DNAH2: variants seen among roughly 807,000 people sequenced by gnomAD.
DNAH2 encodes dynein axonemal heavy chain 2.
In DNAH2, 323 loss-of-function variants were observed where a neutral mutation model predicts 523.5. The ratio of observed to expected loss-of-function variants is 0.62; its 90% confidence interval spans 0.56 to 0.68. DNAH2 has a LOEUF of 0.68. DNAH2 is among the 30% of genes least tolerant of loss of function. The probability of loss-of-function intolerance (pLI) is 0.00; values close to 1 mark genes in which losing one functional copy is unlikely to be tolerated. For missense variants in DNAH2, 4,907 were observed against 5,701.5 expected (o/e 0.86, Z 4.49); for synonymous variants, 2,093 against 2,177.4 (o/e 0.96, Z 1.08).
In DNAH2 at chr17:7,832,999, G is replaced by C. The variant is rs2078229626; in HGVS notation, c.12978+71G>C. Reference sequence around the variant, plus strand: ...GAAATAATTGGACGAAAAGGGAGGAGAGAGGGAGCAGGTCAGGGGCGCTGG... The same window carrying C: ...GAAATAATTGGACGAAAAGGGAGGACAGAGGGAGCAGGTCAGGGGCGCTGG... On this transcript the variant is annotated intron_variant, in intron 84 of 85. Transcript: ENST00000572933. This position sits in a 1 kb window ranked among gnomAD's most constrained non-coding sequence, Gnocchi z 4.3. 6.2e-7 allele frequency: 1 copy of C among 1,613,510 alleles called. No individual in the cohort carries two copies. The highest frequency in any genetic ancestry group is 8.5e-7 in the Non-Finnish European group (1 of 1,179,760).
chr17:7,730,909 G>GT (rs1464791548), intron 4 of DNAH2, among the ~76,000 whole-genome samples: 1 of 152,118 alleles, frequency 6.6e-6, no homozygotes, highest in Non-Finnish European at 1.5e-5. Flanking sequence ...GAGCTCAGGA[G>GT]TTTAAGACCA....
chr17:7,758,735 T>C lies in DNAH2; in HGVS notation c.2208+84T>C. ...AGTGTTGCATAGAGATTGGGAAACC[T>C]GGGGGTAGTGTAAAAAGAATTAAGT... On this transcript the variant is annotated intron_variant, in intron 14 of 85. Coordinates refer to ENST00000572933, the MANE Select transcript of DNAH2 (RefSeq NM_020877.5). 2.6e-6 allele frequency: 4 copies of C among 1,563,286 alleles called. No individual in the cohort carries two copies. The South Asian group carries it at 4.8e-5, about 19-fold the overall frequency.
intron 24 of DNAH2, among the ~76,000 whole-genome samples, chr17:7,768,734 C>T (rs1452903535): frequency 1.3e-5 from 2 of 152,202 alleles, no homozygotes; most frequent in South Asian, 2.1e-4. Context: ...CAGCACTCGA[C>T]TCTGCTTCTG....
chr17:7,792,339 C>T lies in DNAH2; in HGVS notation c.7141C>T (p.Pro2381Ser), dbSNP rs761238910. Residue 2381 changes from proline to serine, a missense_variant, in exon 46 of 86, where the codon CCA (proline) becomes TCA (serine). By Grantham distance (74) the Pro-to-Ser change is moderately conservative (BLOSUM62 -1). Transcript: ENST00000572933. ...DKLPKSWRYPPNAPFYKIMVP... is the reference protein window; with the variant it reads ...DKLPKSWRYPSNAPFYKIMVP... ...GCTCCCTAAGAGTTGGCGCTACCCT[C>T]CAAAGTAAGAGCTGGGCCTGGGTGT... 55 of 1,613,940 alleles carry T rather than the reference C, an allele frequency of 3.4e-5. No individual in the cohort carries two copies. The highest frequency in any genetic ancestry group is 4.1e-5 in the Non-Finnish European group (48 of 1,180,032).
In DNAH2 at chr17:7,778,418, T is replaced by C. The variant is rs2076517075; in HGVS notation, c.5490T>C (p.Ser1830=). Residue 1830 remains serine (S), a synonymous_variant, in exon 35 of 86, where the codon TCT becomes TCC. Transcript: ENST00000572933. ...LGIYVIVVNC[S]EGLDYKSMGR... is the part of the protein sequence containing the mutation. The stretch of plus-strand genomic sequence containing the variant: ...TATATGTCATTGTGGTCAACTGCTC[T>C]GAGGGCCTGGACTACAAGTCCATGG... 3 of 1,614,200 alleles carry C rather than the reference T, an allele frequency of 1.9e-6. No homozygotes were observed. The East Asian group carries it at 6.7e-5, about 36-fold the overall frequency.
At chr17:7,731,538 AT>A (rs2074988907) in intron 4 of DNAH2, among the ~76,000 whole-genome samples, 1 of 152,094 alleles carries the variant, frequency 6.6e-6, no homozygotes, top group Non-Finnish European at 1.5e-5. Context: ...AATGATTTTA[AT>A]TTAATTTTCT....
chr17:7,739,607 CT>C (rs551740624), intron 8 of DNAH2, 125 bp from the exon 9 acceptor site: 93,800 of 654,500 alleles, frequency 0.14, no homozygotes, highest in East Asian at 0.19. Flanking sequence ...TTTTCTTCTT[CT>C]TTTTTTTTTT....
intron 77 of DNAH2, among the ~76,000 whole-genome samples, chr17:7,825,943 G>A (rs1014312497): frequency 2.0e-5 from 3 of 152,214 alleles, no homozygotes; most frequent in Admixed American, 6.5e-5. Context: ...CTCAGGCCGG[G>A]TGTGATGGCT....
chr17:7,801,739 C>A (rs373885248), intron 57 of DNAH2, 29 bp downstream of exon 57: 2 of 1,612,582 alleles, frequency 1.2e-6, no homozygotes, highest in African/African-American at 2.7e-5. Context: ...CCTCTCATTG[C>A]ATCCCTGGCC....
In DNAH2 at chr17:7,798,539, C is replaced by T; in HGVS notation, c.8399-19C>T. The T allele has an allele frequency of 1.2e-6, 2 of 1,613,112 alleles. No homozygotes were observed. The highest frequency in any genetic ancestry group is 1.7e-6 in the Non-Finnish European group (2 of 1,179,684). On this transcript the variant is annotated intron_variant, in intron 54 of 85. Coordinates refer to ENST00000572933, the MANE Select transcript of DNAH2 (RefSeq NM_020877.5). This position sits in a 1 kb window ranked among gnomAD's most constrained non-coding sequence, Gnocchi z 5.5. ...GGGGAATCTGCAGTGAGTTTGTCCT[C>T]CTTCCCTCCCCCGGCCAGATATCAA...
chr17:7,737,223 A>C lies in DNAH2; in HGVS notation c.1135A>C (p.Asn379His). The change falls in exon 8 of 86, where the codon AAC becomes CAC. Residue 379 changes from asparagine (N) to histidine (H), a missense_variant. Physicochemically the swap from Asn to His is moderately conservative, Grantham distance 68 (BLOSUM62 1). This residue lies in a region of DNAH2 where 2,806 missense variants were observed against 3,190.8 expected (regional missense o/e 0.88). Coordinates refer to ENST00000572933, the MANE Select transcript of DNAH2 (RefSeq NM_020877.5). ...CATCTGGGTCAACTCTCCCCACTACAACACTCGGGAGAGACTGACCTCGCT... is the reference window on the plus strand; with the variant it reads ...CATCTGGGTCAACTCTCCCCACTACCACACTCGGGAGAGACTGACCTCGCT... Reference protein sequence around the residue: ...RIIWVNSPHYNTRERLTSLFR... With the variant: ...RIIWVNSPHYHTRERLTSLFR... 6.2e-7 allele frequency: 1 copy of C among 1,613,912 alleles called. No homozygotes were observed. The highest frequency in any genetic ancestry group is 2.2e-5 in the East Asian group (1 of 44,868).
In DNAH2 at chr17:7,778,161, A is replaced by G. The variant is rs1417568362; in HGVS notation, c.5332A>G (p.Ile1778Val). Reference protein sequence around the residue: ...EYLGNSGRLVITPLTDRCYMT... With the variant: ...EYLGNSGRLVVTPLTDRCYMT... ...CTTGGGTAACTCGGGCCGGCTCGTCATCACCCCCCTGACGGACAGGTCTGC... is the reference window on the plus strand; with the variant it reads ...CTTGGGTAACTCGGGCCGGCTCGTCGTCACCCCCCTGACGGACAGGTCTGC... Residue 1778 changes from isoleucine (I) to valine (V), a missense_variant, in exon 34 of 86, where the codon ATC (isoleucine) becomes GTC (valine). Around this residue, in one of 3 missense-constraint regions of DNAH2, gnomAD observed 2,806 missense variants for 3,190.8 expected, o/e 0.88. Transcript: ENST00000572933. 17 of 1,614,102 alleles carry G rather than the reference A, an allele frequency of 1.1e-5. No individual in the cohort carries two copies. Among genetic ancestry groups the G allele is most frequent in the Admixed American group, 3.3e-5 (2 of 60,014 alleles).
chr17:7,740,843 G>A lies in DNAH2; in HGVS notation c.1540G>A (p.Asp514Asn), dbSNP rs1251689688. The change falls in exon 11 of 86, where the codon GAT becomes AAT. Residue 514 changes from aspartate (D) to asparagine (N), a missense_variant. This residue lies in a region of DNAH2 where 2,806 missense variants were observed against 3,190.8 expected (regional missense o/e 0.88). Coordinates refer to ENST00000572933, the MANE Select transcript of DNAH2 (RefSeq NM_020877.5). Reference sequence around the variant, plus strand: ...GCGGACTTATGACAAGAAGGCGGTGGATCTCTACATGCTGTTCAATAGCGA... The same window carrying A: ...GCGGACTTATGACAAGAAGGCGGTGAATCTCTACATGCTGTTCAATAGCGA... ...IKRTYDKKAVDLYMLFNSELA... is the reference protein window; with the variant it reads ...IKRTYDKKAVNLYMLFNSELA... 2 of 1,611,254 alleles carry A rather than the reference G, an allele frequency of 1.2e-6. No homozygotes were observed. The highest frequency in any genetic ancestry group is 1.7e-6 in the Non-Finnish European group (2 of 1,177,662).
In DNAH2 at chr17:7,768,047, G is replaced by T; in HGVS notation, c.3823G>T (p.Ala1275Ser). 6.2e-7 allele frequency: 1 copy of T among 1,614,150 alleles called. No homozygotes were observed. ...GCTGTTTCGTCGCCTCACAAAATTA[G>T]CCAAAGAGTATAAGGTGGGGAGAAA... ...HGLFRRLTKL[A>S]KEYKDRNWEI... The change falls in exon 23 of 86, where the codon GCC becomes TCC. Residue 1275 changes from alanine to serine, a missense_variant. Ala to Ser is a moderately conservative substitution (Grantham distance 99). Around this residue, in one of 3 missense-constraint regions of DNAH2, gnomAD observed 2,806 missense variants for 3,190.8 expected, o/e 0.88. Coordinates refer to ENST00000572933, the MANE Select transcript of DNAH2 (RefSeq NM_020877.5).
Position 7,763,953 on chromosome 17 carries a change from A to G in DNAH2, c.3101A>G (p.Lys1034Arg). 6.2e-7 allele frequency: 1 copy of G among 1,614,220 alleles called. No homozygotes were observed. Among genetic ancestry groups the G allele is most frequent in the Non-Finnish European group, 8.5e-7 (1 of 1,180,034 alleles). ...LVQHCNEWQN[K>R]FATLLREMAA... Reference sequence around the variant, plus strand: ...CAGCACTGCAATGAATGGCAGAACAAGTTCGCGACTCTGCTCAGGGAGATG... The same window carrying G: ...CAGCACTGCAATGAATGGCAGAACAGGTTCGCGACTCTGCTCAGGGAGATG... Residue 1034 changes from lysine (K) to arginine (R), a missense_variant, in exon 19 of 86, where the codon AAG becomes AGG. Coordinates refer to ENST00000572933, the MANE Select transcript of DNAH2 (RefSeq NM_020877.5).
At chr17:7,805,182 G>A in intron 60 of DNAH2, 70 bp from the exon 61 acceptor site, 6 of 1,598,914 alleles carry the variant, frequency 3.8e-6, no homozygotes, top group Non-Finnish European at 4.3e-6. Flanking sequence ...GGAAGAAGAG[G>A]TGGCACCTCA....
chr17:7,748,639 T>G (rs761758897), intron 12 of DNAH2, among the ~76,000 whole-genome samples: 2 of 152,002 alleles, frequency 1.3e-5, no homozygotes, highest in Non-Finnish European at 2.9e-5. Context: ...GGAACACAGG[T>G]GCCTGCCACC....
At chr17:7,749,728 G>A (rs1361903324) in intron 12 of DNAH2, among the ~76,000 whole-genome samples, 1 of 152,086 alleles carries the variant, frequency 6.6e-6, no homozygotes, top group Non-Finnish European at 1.5e-5. Context: ...CAGGTGTGGT[G>A]GCTCATGCCT....
Position 7,738,804 on chromosome 17 carries a change from G to A in DNAH2, c.1171-929G>A, listed in dbSNP as rs2075218805. The A allele has an allele frequency of 6.8e-6, 4 of 586,536 alleles. No individual in the cohort carries two copies. The Admixed American group carries it at 1.1e-4, about 16-fold the overall frequency. The allele number at this position is 586,536 out of a possible 1,614,324, so 36.3% of individuals were successfully genotyped here. A position where few individuals can be genotyped will look rare whatever the true frequency, so the allele number is the denominator to read the frequency against. On this transcript the variant is annotated intron_variant, in intron 8 of 85. Coordinates refer to ENST00000572933, the MANE Select transcript of DNAH2 (RefSeq NM_020877.5). ...CTTGAGTCTTGTCCTTTGGGATTCA[G>A]GAGGGTTGTTTCTCGGGGTCTGATT...
Sources: gnomAD v4.1 joint callset for allele counts (sites outside exome capture counted in the v4.1 genomes callset) on GRCh38, gnomAD v4.1.1 for gene constraint, gnomAD v4.1.1 regional missense constraint, Gnocchi (gnomAD v3.1) non-coding constraint, MANE v1.5 for transcripts, NCBI Gene and HGNC (gene_info 2026-07-23, HGNC 2026-07-21) for gene names.